DST: variants seen among roughly 807,000 people sequenced by gnomAD.
The protein encoded by DST is dystonin, also known as bullous pemphigoid antigen.
In DST, 253 loss-of-function variants were observed where a neutral mutation model predicts 875.2. That is an observed-to-expected ratio of 0.29 (90% CI 0.26 to 0.32). DST has a LOEUF of 0.32. Ranked by LOEUF, DST falls within the 10% of genes least tolerant of loss-of-function variation. The pLI is 1.00. For synonymous variants in DST, 3,124 were observed against 3,197.1 expected, an observed-to-expected ratio of 0.98 and a Z score of 0.77; for missense variants, 8,287 against 9,111.6, an observed-to-expected ratio of 0.91 and a Z score of 3.68.
intron 4 of DST, among the ~76,000 whole-genome samples, chr6:56,756,689 GAACA>G (rs1273613954): frequency 6.6e-6 from 1 of 152,124 alleles, no homozygotes; most frequent in Non-Finnish European, 1.5e-5. Flanking sequence ...ATCTAAGACA[GAACA>G]AAGATCAGAG....
At position 56,701,935 on chromosome 6, in the gene DST, T is replaced by G; in HGVS notation, c.907A>C (p.Arg303=). The G allele has an allele frequency of 6.2e-7, 1 of 1,612,162 alleles. No individual in the cohort carries two copies. Among genetic ancestry groups the G allele is most frequent in the South Asian group, 1.1e-5 (1 of 90,852 alleles). Residue 303 remains arginine, a synonymous_variant, in exon 8 of 104, where the codon AGA becomes CGA. Transcript: ENST00000680361. ...PREKGRMRFH[R]LQNVQIALDY... is the part of the protein sequence containing the mutation. The stretch of plus-strand genomic sequence containing the variant: ...AGTGCAATTTGTACATTCTGTAGTC[T>G]GTGAAAACGCATCCGACCTTTTTCT...
chr6:56,851,778 C>T, intron 3 of DST, 174 bp from the exon 4 acceptor site: 1 of 1,551,672 alleles, frequency 6.4e-7, no homozygotes, highest in Non-Finnish European at 8.7e-7. Flanking sequence ...AAATAAAACC[C>T]GGAGCTCACC....
At position 56,954,751 on chromosome 6, in the gene DST, G is replaced by GC. The variant is rs2127830896; in HGVS notation, c.-165dup. 1 of 214,230 alleles carries GC rather than the reference G, an allele frequency of 4.7e-6. No homozygotes were observed. The highest frequency in any genetic ancestry group is 2.4e-5 in the African/African-American group (1 of 42,360). The allele number at this position is 214,230 out of a possible 1,614,324, so 13.3% of individuals were successfully genotyped here. A position where few individuals can be genotyped will look rare whatever the true frequency, so the allele number is the denominator to read the frequency against. ...CCAGCCCAATGGCTGCGCACCCCGC[G>GC]CCAGCCGCGCTACGCGAGTGATCCA... is the stretch of plus-strand genomic sequence containing the variant. On this transcript the variant is annotated 5_prime_UTR_variant, in exon 1 of 104. Transcript: ENST00000680361.
At chr6:56,706,458 T>C (rs977836604) in intron 5 of DST, among the ~76,000 whole-genome samples, 4 of 152,168 alleles carry the variant, frequency 2.6e-5, no homozygotes, top group Admixed American at 6.5e-5. Flanking sequence ...ATTTCAGAGA[T>C]GAATCAATTT....
In DST at chr6:56,487,084, T is replaced by G; in HGVS notation, c.21047+20A>C. 2 of 1,612,842 alleles carry G rather than the reference T, an allele frequency of 1.2e-6. No individual in the cohort carries two copies. The highest frequency in any genetic ancestry group is 1.7e-6 in the Non-Finnish European group (2 of 1,179,148). On this transcript the variant is annotated intron_variant, in intron 87 of 103. Coordinates refer to ENST00000680361, the MANE Select transcript of DST (RefSeq NM_001374736.1). ...AAAGAGGTCTACAGAGTAACCAAAC[T>G]GTCTTAAAGAACATTTTACCTTTCC...
Position 56,648,597 on chromosome 6 carries a change from T to G in DST, c.1527A>C (p.Thr509=). Residue 509 remains threonine, a synonymous_variant, in exon 13 of 104, where the codon ACA becomes ACC. Coordinates refer to ENST00000680361, the MANE Select transcript of DST (RefSeq NM_001374736.1). ...TCAGTTCTACAGGATTATTAGGAAA[T>G]GTTCTCTCAGACATTGTGGTCACAT... is the stretch of plus-strand genomic sequence containing the variant. The part of the protein sequence containing the change: ...RHHVTTMSER[T]FPNNPVELKA... The G allele has an allele frequency of 6.3e-7, 1 of 1,587,374 alleles. No individual in the cohort carries two copies. Among genetic ancestry groups the G allele is most frequent in the Non-Finnish European group, 8.6e-7 (1 of 1,164,628 alleles).
At chr6:56,717,864 T>C (rs149666511) in intron 5 of DST, among the ~76,000 whole-genome samples, 1 of 131,456 alleles carries the variant, frequency 7.6e-6, no homozygotes, top group Non-Finnish European at 1.6e-5. Flanking sequence ...AAGACTGATT[T>C]GAGTAATAAT....
At chr6:56,463,455 A>C in intron 101 of DST, 110 bp downstream of exon 101, 1 of 1,076,136 alleles carries the variant, frequency 9.3e-7, no homozygotes, top group African/African-American at 1.6e-5. Flanking sequence ...AAGGTGCACA[A>C]ATGGAGATAG....
At chr6:56,702,380 T>TATAC (rs1554645155) in intron 7 of DST, among the ~76,000 whole-genome samples, 1 of 149,418 alleles carries the variant, frequency 6.7e-6, no homozygotes, top group African/African-American at 2.5e-5. Flanking sequence ...TAACTGTATA[T>TATAC]ACACACACAC....
At chr6:56,576,961 A>T (rs761433341) in intron 50 of DST, among the ~76,000 whole-genome samples, 2 of 152,210 alleles carry the variant, frequency 1.3e-5, no homozygotes, top group African/African-American at 4.8e-5. Context: ...TTTAGTTTGC[A>T]CTTCTTAGTG....
At chr6:56,892,447 C>T (rs1788048555) in intron 3 of DST, among the ~76,000 whole-genome samples, 1 of 151,634 alleles carries the variant, frequency 6.6e-6, no homozygotes, top group Non-Finnish European at 1.5e-5. Flanking sequence ...CTCAGCCTCT[C>T]AAGTAGCTGG....
At chr6:56,596,641 T>G (rs186460649) in intron 47 of DST, among the ~76,000 whole-genome samples, 227 of 152,322 alleles carry the variant, frequency 1.5e-3, no homozygotes, top group African/African-American at 5.2e-3. Flanking sequence ...CTGGTTTAAT[T>G]TGTATTTTCT....
At chr6:56,879,581 C>T (rs78341983) in intron 3 of DST, among the ~76,000 whole-genome samples, 8,186 of 152,072 alleles carry the variant, frequency 0.054, 423 homozygotes, top group East Asian at 0.2. Context: ...AGAATTATAC[C>T]TTTCTTACAG....
rs755883495 is a variant in DST at position 56,604,174 on chromosome 6, A to G, written c.10454T>C (p.Leu3485Pro). 1.4e-5 allele frequency: 23 copies of G among 1,598,862 alleles called. No individual in the cohort carries two copies. In the South Asian group the frequency reaches 2.6e-4, roughly 18 times the overall value. Residue 3485 changes from leucine to proline, a missense_variant, in exon 40 of 104, where the codon CTT (leucine) becomes CCT (proline). Around this residue, in one of 10 missense-constraint regions of DST, gnomAD observed 3,138 missense variants for 3,116.6 expected, o/e 1.01. Coordinates refer to ENST00000680361, the MANE Select transcript of DST (RefSeq NM_001374736.1). ...GAAAATATTTTCAAGCTGCAGTGGA[A>G]GTACTTTAGACGTAATGCCTCTTTT... Reference protein sequence around the residue: ...LEKRGITSKVLPLQLENIFYK... With the variant: ...LEKRGITSKVPPLQLENIFYK...
chr6:56,561,000 C>T (rs575196348), intron 57 of DST, among the ~76,000 whole-genome samples: 73 of 152,192 alleles, frequency 4.8e-4, no homozygotes, highest in Non-Finnish European at 9.4e-4. Flanking sequence ...ATACATTTAG[C>T]CCTTAAATAA....
At position 56,717,017 on chromosome 6, in the gene DST, TAA is replaced by T. The variant is rs200160248; in HGVS notation, c.688-12650_688-12649del. 6.6e-5 allele frequency among the ~76,000 whole-genome samples: 10 copies of T among 151,678 alleles called. No individual in the cohort carries two copies. In the East Asian group the frequency reaches 7.8e-4, roughly 12 times the overall value. On this transcript the variant is annotated intron_variant, in intron 5 of 103. Coordinates refer to ENST00000680361, the MANE Select transcript of DST (RefSeq NM_001374736.1). ...TAACACGGTGAAACCCCATCTCTAC[TAA>T]AAAAATACAAAAAATTAGCTGGGCG...
chr6:56,747,021 G>A (rs1563984033), intron 4 of DST, among the ~76,000 whole-genome samples: 1 of 152,138 alleles, frequency 6.6e-6, no homozygotes, highest in Admixed American at 6.5e-5. Flanking sequence ...CTTTTTCAGA[G>A]AATGGCTGCC....
At chr6:56,717,132 G>A (rs891508034) in intron 5 of DST, among the ~76,000 whole-genome samples, 7 of 151,992 alleles carry the variant, frequency 4.6e-5, no homozygotes, top group South Asian at 2.1e-4. Flanking sequence ...GCAGTGAGCC[G>A]AGATCGTGCC....
intron 9 of DST, among the ~76,000 whole-genome samples, chr6:56,694,135 C>T (rs1239225977): frequency 6.7e-6 from 1 of 148,622 alleles, no homozygotes; most frequent in East Asian, 2.0e-4. Flanking sequence ...TTTATGAGGG[C>T]CTTGCTGGAA....
Sources: gnomAD v4.1 joint callset for allele counts (sites outside exome capture counted in the v4.1 genomes callset) on GRCh38, gnomAD v4.1.1 for gene constraint, gnomAD v4.1.1 regional missense constraint, MANE v1.5 for transcripts, NCBI Gene and HGNC (gene_info 2026-07-23, HGNC 2026-07-21) for gene names.